DOCK7: variants seen among roughly 807,000 people sequenced by gnomAD.
DOCK7 encodes the protein dedicator of cytokinesis 7, also known as dedicator of cytokinesis protein 7.
DOCK7 carries 138 observed loss-of-function variants against 271.0 expected under a neutral mutation model. The observed-to-expected ratio is 0.51, with a 90% CI of 0.44 to 0.59. DOCK7 has a LOEUF of 0.59. Ranked by LOEUF, DOCK7 falls within the 20% of genes least tolerant of loss-of-function variation. The pLI is 0.00. For synonymous variants in DOCK7, 823 were observed against 876.1 expected, an observed-to-expected ratio of 0.94 and a Z score of 1.07; for missense variants, 2,066 against 2,592.4, an observed-to-expected ratio of 0.80 and a Z score of 4.41.
intron 41 of DOCK7, among the ~76,000 whole-genome samples, chr1:62,491,432 G>A (rs145340896): frequency 6.2e-4 from 94 of 152,354 alleles, no homozygotes; most frequent in Non-Finnish European, 1.0e-3. Flanking sequence ...AAGAAGGTAA[G>A]CATGAATTCA....
intron 22 of DOCK7, among the ~76,000 whole-genome samples, chr1:62,548,328 C>T (rs889405598): frequency 1.3e-5 from 2 of 151,400 alleles, no homozygotes; most frequent in Admixed American, 6.6e-5. Context: ...AGGCGGCCTT[C>T]AGAGTAAAGA....
chr1:62,485,802 C>G, intron 43 of DOCK7: 1 of 706,836 alleles, frequency 1.4e-6, no homozygotes, highest in Non-Finnish European at 1.7e-6. Flanking sequence ...ATGCAGGCAT[C>G]CATTTAAGTT....
intron 43 of DOCK7, among the ~76,000 whole-genome samples, chr1:62,479,276 C>CA (rs35913674): frequency 2.0e-5 from 3 of 150,868 alleles, no homozygotes; most frequent in Admixed American, 6.6e-5. Context: ...TTTATAATAC[C>CA]AAAAAAAAAG....
At position 62,552,882 on chromosome 1, in the gene DOCK7, T is replaced by A. The variant is rs975571854; in HGVS notation, c.2616A>T (p.Gly872=). 1 of 1,610,476 alleles carries A rather than the reference T, an allele frequency of 6.2e-7. No individual in the cohort carries two copies. Among genetic ancestry groups the A allele is most frequent in the African/African-American group, 1.3e-5 (1 of 74,592 alleles). The change falls in exon 22 of 50, where the codon GGA becomes GGT. Residue 872 remains glycine, a synonymous_variant. Transcript: ENST00000635253. ...TAGCCATTGTGGCATAATGCACTGA[T>A]CCTCCCAAACCCCCAGGACCTAGAG... ...SSSPGPGGLG[G]SVHYATMARS...
intron 18 of DOCK7, among the ~76,000 whole-genome samples, chr1:62,566,804 A>C (rs546274952): frequency 6.9e-4 from 105 of 152,336 alleles, no homozygotes; most frequent in African/African-American, 2.5e-3. Flanking sequence ...CTATCTGACA[A>C]AGGGCTAATA....
chr1:62,658,051 G>C (rs572076542), intron 2 of DOCK7, among the ~76,000 whole-genome samples: 15 of 151,276 alleles, frequency 9.9e-5, no homozygotes, highest in African/African-American at 3.2e-4. Context: ...AAAGACATAA[G>C]CCTACAGACT....
intron 31 of DOCK7, among the ~76,000 whole-genome samples, chr1:62,523,607 G>C (rs530873357): frequency 8.5e-5 from 13 of 152,134 alleles, no homozygotes; most frequent in Admixed American, 8.5e-4. Context: ...AGTGGCTCAC[G>C]CCTGTAATGC....
intron 35 of DOCK7, 152 bp downstream of exon 35, chr1:62,507,810 A>C (rs1646986829): frequency 1.5e-6 from 1 of 647,676 alleles, no homozygotes; most frequent in Non-Finnish European, 2.6e-6. Flanking sequence ...GGGAATTTAT[A>C]ATTACAGAGA....
At chr1:62,501,742 T>G (rs1646791105) in intron 37 of DOCK7, among the ~76,000 whole-genome samples, 1 of 152,114 alleles carries the variant, frequency 6.6e-6, no homozygotes, top group Non-Finnish European at 1.5e-5. Context: ...TTTCTGGATT[T>G]ATATACACGT....
chr1:62,687,831 G>A (rs1661993431), intron 1 of DOCK7, among the ~76,000 whole-genome samples: 1 of 152,052 alleles, frequency 6.6e-6, no homozygotes, highest in African/African-American at 2.4e-5. Flanking sequence ...GGAGAGACGG[G>A]AGGGGGCGAA....
chr1:62,635,133 CA>C (rs1298295551), intron 8 of DOCK7: 7 of 354,594 alleles, frequency 2.0e-5, no homozygotes, highest in Non-Finnish European at 3.0e-5. Flanking sequence ...AAATAATTCT[CA>C]AAAAAATTAC....
At chr1:62,643,021 G>C (rs1348246642) in intron 7 of DOCK7, among the ~76,000 whole-genome samples, 1 of 144,118 alleles carries the variant, frequency 6.9e-6, no homozygotes, top group African/African-American at 2.7e-5. Context: ...GGCCACAAGA[G>C]GTCTTACAGC....
chr1:62,479,793 T>TC (rs1646067785), intron 43 of DOCK7: 2 of 249,400 alleles, frequency 8.0e-6, no homozygotes, highest in Admixed American at 8.1e-5. Flanking sequence ...AAGCGATCCT[T>TC]CCACCTCAGT....
chr1:62,479,695 T>G (rs1474748421), intron 43 of DOCK7: 1 of 355,644 alleles, frequency 2.8e-6, no homozygotes, highest in Non-Finnish European at 5.9e-6. Context: ...TAGTTTTTAG[T>G]TTTTTTGAGA....
chr1:62,677,459 A>G (rs925114692), intron 1 of DOCK7, among the ~76,000 whole-genome samples: 2 of 152,130 alleles, frequency 1.3e-5, no homozygotes, highest in African/African-American at 2.4e-5. Flanking sequence ...GGCTGCTGAC[A>G]TTATCCCTGG....
Position 62,577,440 on chromosome 1 carries a change from T to C in DOCK7, c.2011-77A>G, listed in dbSNP as rs550187417. 3.4e-4 allele frequency: 375 copies of C among 1,097,336 alleles called. 1 individual carries two copies. The highest frequency in any genetic ancestry group is 1.9e-5 in the Non-Finnish European group (15 of 794,440). The allele number at this position is 1,097,336 out of a possible 1,614,324, so 68.0% of individuals were successfully genotyped here. A position where few individuals can be genotyped will look rare whatever the true frequency, so the allele number is the denominator to read the frequency against. The stretch of plus-strand genomic sequence containing the variant: ...TAATTACTTAGCATGTTTTAAGAAC[T>C]TGGTACAAGCCAAATTTGTCCCATA... On this transcript the variant is annotated intron_variant, in intron 17 of 49. Transcript: ENST00000635253.
chr1:62,457,874 G>A (rs968849852), intron 48 of DOCK7, 169 bp from the exon 49 acceptor site: 13 of 601,436 alleles, frequency 2.2e-5, no homozygotes, highest in African/African-American at 2.0e-4. Flanking sequence ...TATAGGCCAG[G>A]CATGGTGGCT....
chr1:62,507,928 C>T (rs763281499), intron 35 of DOCK7, 34 bp downstream of exon 35: 3 of 1,590,360 alleles, frequency 1.9e-6, no homozygotes, highest in South Asian at 1.1e-5. Context: ...TTTACCAAAT[C>T]CGTATTTTAA....
At chr1:62,460,356 T>C (rs150464304) in intron 48 of DOCK7, among the ~76,000 whole-genome samples, 280 of 152,246 alleles carry the variant, frequency 1.8e-3, no homozygotes, top group African/African-American at 6.4e-3. Flanking sequence ...AAAAAAACTG[T>C]GTTGAACATG....
Sources: allele counts gnomAD v4.1 joint callset (sites outside exome capture counted in the v4.1 genomes callset), GRCh38; gene constraint gnomAD v4.1.1; transcripts MANE v1.5; gene names NCBI Gene and HGNC (gene_info 2026-07-23, HGNC 2026-07-21).